Variants in SLC39A11 observed in about 807,000 individuals in gnomAD.
SLC39A11 encodes solute carrier family 39 member 11.
In SLC39A11, 33 loss-of-function variants were observed where a neutral mutation model predicts 36.1. The observed-to-expected ratio is 0.91, with a 90% CI of 0.69 to 1.22. SLC39A11 has a LOEUF of 1.22. SLC39A11 is among the 50% of genes most tolerant of loss of function. The pLI, the probability that SLC39A11 is intolerant of heterozygous loss-of-function variation, is 0.00. For missense variants in SLC39A11, 432 were observed against 430.3 expected, an observed-to-expected ratio of 1.00 and a Z score of -0.03; for synonymous variants, 166 against 170.3, an observed-to-expected ratio of 0.97 and a Z score of 0.20.
chr17:72,901,843 G>C (rs78981237), intron 5 of SLC39A11, among the ~76,000 whole-genome samples: 2,276 of 152,254 alleles, frequency 0.015, 75 homozygotes, highest in African/African-American at 0.048. Flanking sequence ...GCACTGTGCT[G>C]CATGCATGGG....
At chr17:72,773,644 TACAC>T (rs550889404) in intron 6 of SLC39A11, among the ~76,000 whole-genome samples, 888 of 78,800 alleles carry the variant, frequency 0.011, 5 homozygotes, top group African/African-American at 0.028. Context: ...GAGACCATCT[TACAC>T]ACACACACAC....
chr17:72,998,822 A>G (rs569843324), intron 4 of SLC39A11, among the ~76,000 whole-genome samples: 1 of 152,348 alleles, frequency 6.6e-6, no homozygotes, highest in South Asian at 2.1e-4. Context: ...GTTGCAAGGA[A>G]AGCCAGACAG....
chr17:72,978,729 G>A (rs2088062565), intron 4 of SLC39A11, among the ~76,000 whole-genome samples: 1 of 152,286 alleles, frequency 6.6e-6, no homozygotes, highest in Admixed American at 6.5e-5. Flanking sequence ...CCTTAGGCTG[G>A]GGTGGAAAGG....
intron 3 of SLC39A11, among the ~76,000 whole-genome samples, chr17:73,056,821 G>A (rs2059685209): frequency 6.6e-6 from 1 of 152,212 alleles, no homozygotes; most frequent in Non-Finnish European, 1.5e-5. Flanking sequence ...CAGAACCTGT[G>A]CTTTTCTAGA....
intron 4 of SLC39A11, among the ~76,000 whole-genome samples, chr17:72,984,832 G>A (rs1186429217): frequency 6.6e-6 from 1 of 152,234 alleles, no homozygotes; most frequent in Non-Finnish European, 1.5e-5. Flanking sequence ...AAATGAATAA[G>A]GAGGAAGGCC....
At chr17:72,928,839 C>T (rs2084213377) in intron 5 of SLC39A11, among the ~76,000 whole-genome samples, 1 of 152,198 alleles carries the variant, frequency 6.6e-6, no homozygotes, top group Non-Finnish European at 1.5e-5. Context: ...CTGACAAAAC[C>T]ACAGGTAGGC....
intron 5 of SLC39A11, among the ~76,000 whole-genome samples, chr17:72,943,086 G>A (rs2085214987): frequency 6.6e-6 from 1 of 152,166 alleles, no homozygotes; most frequent in African/African-American, 2.4e-5. Flanking sequence ...GACTGAAAGA[G>A]GACACTGTGA....
chr17:72,974,752 ACT>A (rs1179740121), intron 4 of SLC39A11, among the ~76,000 whole-genome samples: 2 of 152,194 alleles, frequency 1.3e-5, no homozygotes, highest in African/African-American at 4.8e-5. Context: ...CCACTCACTC[ACT>A]GACTCACTGA....
chr17:72,747,323 G>C (rs2074978644), intron 6 of SLC39A11, among the ~76,000 whole-genome samples: 1 of 152,144 alleles, frequency 6.6e-6, no homozygotes, highest in Non-Finnish European at 1.5e-5. Context: ...GCTAATTTTT[G>C]TATTTTTAGT....
At chr17:72,818,375 G>A (rs1451933242) in intron 6 of SLC39A11, among the ~76,000 whole-genome samples, 2 of 152,126 alleles carry the variant, frequency 1.3e-5, no homozygotes, top group African/African-American at 4.8e-5. Flanking sequence ...GGTATCTGGA[G>A]GGTGCATTCC....
At chr17:72,705,497 C>T (rs2072852312) in intron 7 of SLC39A11, among the ~76,000 whole-genome samples, 1 of 152,202 alleles carries the variant, frequency 6.6e-6, no homozygotes, top group African/African-American at 2.4e-5. Context: ...CACCAGCTGG[C>T]CACTTGTAAC....
intron 6 of SLC39A11, among the ~76,000 whole-genome samples, chr17:72,772,440 T>C (rs1274622385): frequency 6.6e-6 from 1 of 152,180 alleles, no homozygotes. Context: ...TTGGGGCCCA[T>C]GGGCCTGCCT....
chr17:72,992,542 C>A (rs1189891027), intron 4 of SLC39A11, among the ~76,000 whole-genome samples: 1 of 152,016 alleles, frequency 6.6e-6, no homozygotes, highest in Non-Finnish European at 1.5e-5. Flanking sequence ...TTGTGGAAGA[C>A]CTTTATATAT....
chr17:72,919,669 C>CAAAAAA (rs35888661), intron 5 of SLC39A11, among the ~76,000 whole-genome samples: 33 of 69,004 alleles, frequency 4.8e-4, no homozygotes, highest in African/African-American at 2.1e-3. Context: ...GAGAGTCCGT[C>CAAAAAA]AAAAAAAAAA....
intron 5 of SLC39A11, among the ~76,000 whole-genome samples, chr17:72,925,642 T>C (rs1023170327): frequency 5.3e-5 from 8 of 152,250 alleles, no homozygotes. Flanking sequence ...ACCTGCCTAT[T>C]GGCCAAGCAT....
At chr17:73,050,852 A>G (rs1024958074) in intron 3 of SLC39A11, among the ~76,000 whole-genome samples, 1 of 152,166 alleles carries the variant, frequency 6.6e-6, no homozygotes, top group African/African-American at 2.4e-5. Context: ...ACCAGCAGAA[A>G]GGCCCCTTGA....
At chr17:72,976,344 C>A (rs1027904225) in intron 4 of SLC39A11, among the ~76,000 whole-genome samples, 3 of 152,128 alleles carry the variant, frequency 2.0e-5, no homozygotes, top group African/African-American at 7.2e-5. Flanking sequence ...TTTAAGATCA[C>A]ACCTCTTTAA....
chr17:72,986,205 TC>T (rs916051769), intron 4 of SLC39A11, among the ~76,000 whole-genome samples: 21 of 152,112 alleles, frequency 1.4e-4, no homozygotes, highest in African/African-American at 5.1e-4. Context: ...ACCAGTTCAC[TC>T]CCCAGTAAGA....
At chr17:72,782,242 C>T (rs971133071) in intron 6 of SLC39A11, among the ~76,000 whole-genome samples, 1 of 152,146 alleles carries the variant, frequency 6.6e-6, no homozygotes, top group Non-Finnish European at 1.5e-5. Context: ...AACACCAAGA[C>T]TTGCTGCACC....
Sources: gnomAD v4.1 joint callset for allele counts (sites outside exome capture counted in the v4.1 genomes callset) on GRCh38, gnomAD v4.1.1 for gene constraint, MANE v1.5 for transcripts, NCBI Gene and HGNC (gene_info 2026-07-23, HGNC 2026-07-21) for gene names.